The following ARHGAP18 variants were observed in gnomAD, a reference collection of about 807,000 sequenced individuals.
The protein encoded by ARHGAP18 is Rho GTPase activating protein 18, also known as rho GTPase-activating protein 18.
Under a neutral mutation model 86.2 loss-of-function variants are expected in ARHGAP18, and 67 were observed. The observed-to-expected ratio is 0.78, with a 90% CI of 0.64 to 0.95. ARHGAP18 has a LOEUF of 0.95. Among genes scored for constraint, ARHGAP18 ranks in the 40% least tolerant of loss-of-function variants. ARHGAP18 has a pLI of 0.00. For missense variants in ARHGAP18, 691 were observed against 780.4 expected (o/e 0.89, Z 1.37); for synonymous variants, 283 against 280.4 (o/e 1.01, Z -0.09).
At chr6:129,596,687 C>T (rs1024877672) in intron 12 of ARHGAP18, 3 of 152,152 alleles carry the variant, frequency 2.0e-5, no homozygotes, top group African/African-American at 7.2e-5. Flanking sequence ...TACCCCCAGG[C>T]AATTTCATGC....
intron 5 of ARHGAP18, among the ~76,000 whole-genome samples, chr6:129,625,918 ATAGATATTTATATATTATATAT>A (rs1789446211): frequency 1.2e-5 from 1 of 81,898 alleles, no homozygotes. Context: ...ATTATATATT[ATAGATATTTATATATTATATAT>A]TATATATTTA....
intron 10 of ARHGAP18, 90 bp from the exon 11 acceptor site, chr6:129,600,938 A>C: frequency 8.6e-7 from 1 of 1,158,736 alleles, no homozygotes; most frequent in Non-Finnish European, 1.2e-6. Flanking sequence ...ATTTCATTGA[A>C]AAAACAAGTT....
intron 10 of ARHGAP18, among the ~76,000 whole-genome samples, chr6:129,602,389 A>C (rs891895024): frequency 2.6e-5 from 4 of 152,144 alleles, no homozygotes; most frequent in African/African-American, 9.7e-5. Context: ...CTATTAAAAG[A>C]ATCATTTTTT....
Position 129,636,046 on chromosome 6 carries a change from C to T in ARHGAP18, c.553-1941G>A, listed in dbSNP as rs551944873. 4.6e-5 allele frequency among the ~76,000 whole-genome samples: 7 copies of T among 152,316 alleles called. No homozygotes were observed. The South Asian group carries it at 1.5e-3, about 32-fold the overall frequency. ...TCTATTCCCTCCCCCTTTTCACTTC[C>T]TCTTAACTCCCTTAGTGAGGGTTCT... On this transcript the variant is annotated intron_variant, in intron 3 of 14. Transcript: ENST00000368149.
intron 10 of ARHGAP18, among the ~76,000 whole-genome samples, chr6:129,602,698 A>G (rs1427154133): frequency 6.6e-6 from 1 of 152,194 alleles, no homozygotes; most frequent in Non-Finnish European, 1.5e-5. Context: ...TTCTCAAATG[A>G]GGACAAAAGA....
chr6:129,598,757 C>T (rs1381182715), intron 12 of ARHGAP18: 4 of 152,124 alleles, frequency 2.6e-5, no homozygotes, highest in Admixed American at 6.6e-5. Flanking sequence ...TAATCCTAGG[C>T]ACAACACAAA....
At chr6:129,628,339 A>G (rs1397104749) in intron 5 of ARHGAP18, among the ~76,000 whole-genome samples, 1 of 152,204 alleles carries the variant, frequency 6.6e-6, no homozygotes, top group African/African-American at 2.4e-5. Context: ...TGTAGAAGGA[A>G]TAATAGAATT....
intron 1 of ARHGAP18, among the ~76,000 whole-genome samples, chr6:129,643,477 C>T (rs970113058): frequency 1.3e-5 from 2 of 152,154 alleles, no homozygotes; most frequent in African/African-American, 4.8e-5. Context: ...ATTTAAGTTT[C>T]CTGAGGCTTC....
intron 1 of ARHGAP18, among the ~76,000 whole-genome samples, chr6:129,652,075 T>C (rs1773724975): frequency 6.6e-6 from 1 of 152,216 alleles, no homozygotes; most frequent in African/African-American, 2.4e-5. Context: ...GAGAAATACA[T>C]TTCTGTTGTT....
chr6:129,579,954 C>A, intron 14 of ARHGAP18, 116 bp downstream of exon 14: 2 of 881,424 alleles, frequency 2.3e-6, no homozygotes, highest in Admixed American at 2.6e-5. Context: ...AGCAACTTAT[C>A]TAAAGCATGG....
intron 5 of ARHGAP18, among the ~76,000 whole-genome samples, chr6:129,619,957 AAGG>A (rs1789193303): frequency 2.7e-5 from 4 of 150,548 alleles, no homozygotes; most frequent in South Asian, 2.1e-4. Context: ...GGGGGAGGGA[AAGG>A]AGGAGAAGGG....
intron 1 of ARHGAP18, among the ~76,000 whole-genome samples, chr6:129,653,700 T>C (rs949329136): frequency 1.3e-5 from 2 of 152,092 alleles, no homozygotes; most frequent in Admixed American, 1.3e-4. Context: ...GCTGAGCCCA[T>C]GACAGATGTG....
At chr6:129,684,508 T>A (rs1248888331) in intron 1 of ARHGAP18, among the ~76,000 whole-genome samples, 1 of 152,248 alleles carries the variant, frequency 6.6e-6, no homozygotes, top group Non-Finnish European at 1.5e-5. Flanking sequence ...GAGAATGTTG[T>A]CTTGTAGGGC....
intron 11 of ARHGAP18, among the ~76,000 whole-genome samples, chr6:129,600,160 C>A (rs1788708829): frequency 1.3e-5 from 2 of 151,936 alleles, no homozygotes; most frequent in African/African-American, 4.8e-5. Context: ...TATAAGATGC[C>A]TCCTGAAAAA....
At chr6:129,586,011 A>G (rs1199533271) in intron 12 of ARHGAP18, among the ~76,000 whole-genome samples, 1 of 152,148 alleles carries the variant, frequency 6.6e-6, no homozygotes, top group Non-Finnish European at 1.5e-5. Flanking sequence ...GACAGGCTTT[A>G]TTTTCACTTA....
chr6:129,672,689 C>T (rs1048734673), intron 1 of ARHGAP18, among the ~76,000 whole-genome samples: 4 of 152,198 alleles, frequency 2.6e-5, no homozygotes, highest in Non-Finnish European at 4.4e-5. Context: ...AACAACTTTG[C>T]TTTTATAATA....
intron 1 of ARHGAP18, among the ~76,000 whole-genome samples, chr6:129,646,696 G>A (rs1773587226): frequency 6.6e-6 from 1 of 152,166 alleles, no homozygotes; most frequent in Non-Finnish European, 1.5e-5. Flanking sequence ...CTTAATAGAA[G>A]ACATCTGGAT....
chr6:129,676,200 C>A (rs534032580), intron 1 of ARHGAP18, among the ~76,000 whole-genome samples: 1 of 152,286 alleles, frequency 6.6e-6, no homozygotes, highest in Admixed American at 6.5e-5. Context: ...GGTCAGTATT[C>A]CTTTAATAGA....
intron 12 of ARHGAP18, among the ~76,000 whole-genome samples, chr6:129,591,893 C>T (rs1157856926): frequency 2.0e-5 from 3 of 152,148 alleles, no homozygotes; most frequent in African/African-American, 7.2e-5. Context: ...ATATTCATCA[C>T]CCTAGTCTGA....
Sources: gnomAD v4.1 joint callset for allele counts (sites outside exome capture counted in the v4.1 genomes callset) on GRCh38, gnomAD v4.1.1 for gene constraint, MANE v1.5 for transcripts, NCBI Gene and HGNC (gene_info 2026-07-23, HGNC 2026-07-21) for gene names.